GAS6: variants seen among roughly 807,000 people sequenced by gnomAD.
The protein encoded by GAS6 is growth arrest-specific protein 6.
A neutral mutation model predicts 75.8 loss-of-function variants in GAS6; 41 were observed. The observed-to-expected ratio is 0.54, with a 90% CI of 0.42 to 0.70. The LOEUF is 0.70. GAS6 is among the 30% of genes least tolerant of loss of function. The pLI is 0.00. For synonymous variants in GAS6, 432 were observed against 412.6 expected, an observed-to-expected ratio of 1.05 and a Z score of -0.57; for missense variants, 854 against 940.2, an observed-to-expected ratio of 0.91 and a Z score of 1.20.
intron 10 of GAS6, among the ~76,000 whole-genome samples, chr13:113,829,107 C>T: frequency 9.9e-6 from 1 of 100,568 alleles, no homozygotes; most frequent in South Asian, 3.9e-4. Context: ...AGGGAGGCCA[C>T]CTGATCCTCA....
chr13:113,825,234 C>CAAAAA (rs71105207), intron 12 of GAS6, among the ~76,000 whole-genome samples: 40 of 58,318 alleles, frequency 6.9e-4, no homozygotes, highest in African/African-American at 1.6e-3. Flanking sequence ...AACTCCGTCT[C>CAAAAA]AAAAAAAAAA....
chr13:113,858,808 T>C (rs1389114937), intron 2 of GAS6, among the ~76,000 whole-genome samples: 1 of 151,798 alleles, frequency 6.6e-6, no homozygotes, highest in Non-Finnish European at 1.5e-5. Context: ...TATGTATGTC[T>C]ATGTGAATGT....
chr13:113,830,129 T>C (rs566961569), intron 10 of GAS6, among the ~76,000 whole-genome samples: 1 of 152,252 alleles, frequency 6.6e-6, no homozygotes, highest in Non-Finnish European at 1.5e-5. Flanking sequence ...ACTATATTCC[T>C]GAGCTTCAGA....
At chr13:113,838,300 CCAGAGGTGCACAGCCCAGCCCTGGAG>C in intron 5 of GAS6, 109 bp from the exon 6 acceptor site, 1 of 1,373,822 alleles carries the variant, frequency 7.3e-7, no homozygotes, top group South Asian at 1.2e-5. Flanking sequence ...GGGAGGGAGC[CCAGAGGTGCACAGCCCAGCCCTGGAG>C]CAGAGAGAGA....
chr13:113,839,513 G>T, intron 5 of GAS6: 1 of 581,408 alleles, frequency 1.7e-6, no homozygotes, highest in Non-Finnish European at 2.9e-6. Context: ...GGCATCACTT[G>T]GTGTTTCCTT....
At chr13:113,855,355 C>T (rs7321526) in intron 2 of GAS6, among the ~76,000 whole-genome samples, 8 of 152,248 alleles carry the variant, frequency 5.3e-5, no homozygotes, top group South Asian at 2.1e-4. Context: ...AATAAGCTAC[C>T]GGCCTCTGTT....
chr13:113,862,680 A>T (rs1219597813), intron 2 of GAS6, among the ~76,000 whole-genome samples: 1 of 152,192 alleles, frequency 6.6e-6, no homozygotes, highest in Non-Finnish European at 1.5e-5. Context: ...GGGTCAAGTC[A>T]ACCACTAGAA....
chr13:113,821,593 A>C, intron 14 of GAS6: 1 of 285,470 alleles, frequency 3.5e-6, no homozygotes, highest in Non-Finnish European at 6.6e-6. Context: ...GTTCGCTGCT[A>C]ACAGCTGCGG....
At chr13:113,836,798 G>C (rs2051719711) in intron 6 of GAS6, among the ~76,000 whole-genome samples, 1 of 122,430 alleles carries the variant, frequency 8.2e-6, no homozygotes, top group Non-Finnish European at 1.7e-5. Context: ...AGAAGAAAGA[G>C]GAGGAGGAAG....
At chr13:113,857,362 TAA>T (rs2051923173) in intron 2 of GAS6, among the ~76,000 whole-genome samples, 2 of 152,352 alleles carry the variant, frequency 1.3e-5, no homozygotes, top group South Asian at 4.1e-4. Context: ...AAATTTATTT[TAA>T]AACTTTTAAA....
intron 4 of GAS6, 48 bp downstream of exon 4, chr13:113,846,479 G>A (rs753365013): frequency 2.1e-5 from 33 of 1,561,660 alleles, no homozygotes; most frequent in South Asian, 4.4e-5. Flanking sequence ...GCCTAAAGCC[G>A]CCCAAACCCA....
chr13:113,861,256 G>A (rs2051968964), intron 2 of GAS6, among the ~76,000 whole-genome samples: 1 of 152,178 alleles, frequency 6.6e-6, no homozygotes, highest in Non-Finnish European at 1.5e-5. Context: ...GGCTGGGTAG[G>A]TGCGTGTTAA....
Position 113,837,022 on chromosome 13 carries a change from G to A in GAS6, c.589+1047C>T, listed in dbSNP as rs1244054691. 3.3e-5 allele frequency among the ~76,000 whole-genome samples: 5 copies of A among 151,722 alleles called. No individual in the cohort carries two copies. Among genetic ancestry groups the A allele is most frequent in the African/African-American group, 1.2e-4 (5 of 41,238 alleles). On this transcript the variant is annotated intron_variant, in intron 6 of 14. Coordinates refer to ENST00000327773, the MANE Select transcript of GAS6 (RefSeq NM_000820.4). This position sits in a 1 kb window ranked among gnomAD's most constrained non-coding sequence, Gnocchi z 5.1. ...TTGCCGGGAGTGCCCGACTGGTGCA[G>A]GGACCCACGGGAGATGCTTTAGACG...
chr13:113,863,563 C>A lies in GAS6; in HGVS notation c.255+12G>T. The A allele has an allele frequency of 6.7e-7, 1 of 1,503,076 alleles. No individual in the cohort carries two copies. The highest frequency in any genetic ancestry group is 8.8e-7 in the Non-Finnish European group (1 of 1,130,188). 93.1% of individuals were successfully genotyped at this position (1,503,076 alleles called of 1,614,324 possible). The stretch of plus-strand genomic sequence containing the variant: ...CAGGGGTTCCCCCGCATCCCGCCCG[C>A]CGGCTGCTCACCGTCTCGGGGTCGT... On this transcript the variant is annotated intron_variant, in intron 2 of 14. Coordinates refer to ENST00000327773, the MANE Select transcript of GAS6 (RefSeq NM_000820.4). The surrounding 1 kb of genome is among the most constrained non-coding windows in gnomAD (Gnocchi z 9.4).
Position 113,835,625 on chromosome 13 carries a change from C to T in GAS6, c.600G>A (p.Glu200=), listed in dbSNP as rs1566362163. The T allele has an allele frequency of 6.2e-7, 1 of 1,611,932 alleles. No homozygotes were observed. The highest frequency in any genetic ancestry group is 1.3e-5 in the African/African-American group (1 of 75,006). ...SDGRTCQDID[E]CADSEACGEA... ...CCCCGCAGGCCTCCGAGTCTGCGCA[C>T]TCGTCTATGTCTGCAAGCAAAAAAA... The change falls in exon 7 of 15, where the codon GAG becomes GAA. Residue 200 remains glutamate, a synonymous_variant. Transcript: ENST00000327773.
rs551110074 is a variant in GAS6 at position 113,837,232 on chromosome 13, C to T, written c.589+837G>A. 6.6e-6 allele frequency among the ~76,000 whole-genome samples: 1 copy of T among 152,130 alleles called. No individual in the cohort carries two copies. The highest frequency in any genetic ancestry group is 1.9e-4 in the East Asian group (1 of 5,176). Reference sequence around the variant, plus strand: ...ACTCCTGGGTGGTCAGGGAAGGGAACCACCAAAGTGGACAGAAATAGCAGC... The same window carrying T: ...ACTCCTGGGTGGTCAGGGAAGGGAATCACCAAAGTGGACAGAAATAGCAGC... On this transcript the variant is annotated intron_variant, in intron 6 of 14. Transcript: ENST00000327773. The surrounding 1 kb of genome is among the most constrained non-coding windows in gnomAD (Gnocchi z 5.1).
chr13:113,863,721 C>T lies in GAS6; in HGVS notation c.109G>A (p.Glu37Lys). 1.3e-6 allele frequency: 2 copies of T among 1,500,240 alleles called. No individual in the cohort carries two copies. The highest frequency in any genetic ancestry group is 8.9e-7 in the Non-Finnish European group (1 of 1,128,650). 92.9% of individuals were successfully genotyped at this position (1,500,240 alleles called of 1,614,324 possible). A position where few individuals can be genotyped will look rare whatever the true frequency, so the allele number is the denominator to read the frequency against. Reference sequence around the variant, plus strand: ...CTGGGCCGCAGGAACTGCGTGGCCTCGCGCGCCGGCAACAGCGCGGCTGCC... The same window carrying T: ...CTGGGCCGCAGGAACTGCGTGGCCTTGCGCGCCGGCAACAGCGCGGCTGCC... ...CALAALLPAR[E>K]ATQFLRPRQR... Residue 37 changes from glutamate (E) to lysine (K), a missense_variant, in exon 2 of 15, where the codon GAG becomes AAG. Physicochemically the swap from Glu to Lys is moderately conservative, Grantham distance 56. Transcript: ENST00000327773. The surrounding 1 kb of genome is among the most constrained non-coding windows in gnomAD (Gnocchi z 9.4).
chr13:113,850,802 A>C (rs921042817), intron 2 of GAS6, among the ~76,000 whole-genome samples: 5 of 151,210 alleles, frequency 3.3e-5, no homozygotes, highest in Admixed American at 1.3e-4. Context: ...GAGTGAATGG[A>C]TGAATGACTG....
intron 2 of GAS6, among the ~76,000 whole-genome samples, chr13:113,853,491 G>C (rs1267659821): frequency 6.6e-6 from 1 of 152,234 alleles, no homozygotes; most frequent in Non-Finnish European, 1.5e-5. Context: ...CATTCATACA[G>C]CAAATAGTGG....
Sources: gnomAD v4.1 joint callset for allele counts (sites outside exome capture counted in the v4.1 genomes callset) on GRCh38, gnomAD v4.1.1 for gene constraint, Gnocchi (gnomAD v3.1) non-coding constraint, MANE v1.5 for transcripts, NCBI Gene and HGNC (gene_info 2026-07-23, HGNC 2026-07-21) for gene names.